The following GLRA1 variants were observed in gnomAD, a reference collection of about 807,000 sequenced individuals.
GLRA1 encodes glycine receptor alpha 1, also known as glycine receptor subunit alpha-1.
A neutral mutation model predicts 48.3 loss-of-function variants in GLRA1; 37 were observed. The observed-to-expected ratio is 0.77, with a 90% confidence interval of 0.59 to 1.01. The LOEUF (loss-of-function observed/expected upper bound fraction) is 1.01, where lower values mean the gene tolerates loss of function less well. Among genes scored for constraint, GLRA1 ranks in the 50% least tolerant of loss-of-function variants. GLRA1 has a pLI of 0.00. For missense variants in GLRA1, 427 were observed against 571.0 expected (o/e 0.75, Z 2.57); for synonymous variants, 196 against 210.7 (o/e 0.93, Z 0.60).
intron 3 of GLRA1, among the ~76,000 whole-genome samples, chr5:151,865,410 A>T (rs1369536039): frequency 6.6e-6 from 1 of 152,192 alleles, no homozygotes; most frequent in Non-Finnish European, 1.5e-5. Flanking sequence ...TTGGAAGTGC[A>T]TATGTGAAGG....
In GLRA1 at chr5:151,917,078, C is replaced by G. The variant is rs114300714; in HGVS notation, c.56+7416G>C. Among the ~76,000 whole-genome samples the G allele has an allele frequency of 5.7e-3, 865 of 152,308 alleles. 3 individuals are homozygous for G. Among genetic ancestry groups the G allele is most frequent in the Non-Finnish European group, 8.3e-3 (567 of 68,008 alleles). ...GGCTTTGAGAGCTCTGTCACCCACT[C>G]TATAAACTTGAGGTAGTTATTTATC... On this transcript the variant is annotated intron_variant, in intron 1 of 8. Coordinates refer to ENST00000274576, the MANE Select transcript of GLRA1 (RefSeq NM_000171.4).
intron 2 of GLRA1, among the ~76,000 whole-genome samples, chr5:151,891,590 C>T (rs1053499059): frequency 2.0e-5 from 3 of 152,240 alleles, no homozygotes; most frequent in East Asian, 1.9e-4. Flanking sequence ...GCCTGTACCT[C>T]TATTTCTTCA....
At chr5:151,866,803 G>T (rs1753348135) in intron 3 of GLRA1, among the ~76,000 whole-genome samples, 2 of 151,994 alleles carry the variant, frequency 1.3e-5, no homozygotes, top group Admixed American at 1.3e-4. Context: ...AAGTGAGAGG[G>T]TCATAAGAAG....
At chr5:151,873,243 T>C (rs1271779630) in intron 3 of GLRA1, among the ~76,000 whole-genome samples, 3 of 149,620 alleles carry the variant, frequency 2.0e-5, no homozygotes, top group Non-Finnish European at 4.4e-5. Context: ...GAGAAGGTTT[T>C]CCAAGGGCTT....
chr5:151,862,767 A>G (rs1753238505), intron 3 of GLRA1, among the ~76,000 whole-genome samples: 1 of 152,196 alleles, frequency 6.6e-6, no homozygotes, highest in Non-Finnish European at 1.5e-5. Flanking sequence ...GAATTCTTAT[A>G]TTTGTGCATG....
chr5:151,881,124 C>T (rs947620500), intron 3 of GLRA1, among the ~76,000 whole-genome samples: 27 of 152,178 alleles, frequency 1.8e-4, no homozygotes, highest in African/African-American at 5.8e-4. Context: ...CACAATTCCA[C>T]GATCCCTCAG....
At chr5:151,919,892 C>T (rs562674739) in intron 1 of GLRA1, among the ~76,000 whole-genome samples, 323 of 152,350 alleles carry the variant, frequency 2.1e-3, no homozygotes, top group Admixed American at 4.4e-3. Flanking sequence ...ATGCTGGCTT[C>T]TGCCAGCTGA....
intron 7 of GLRA1, among the ~76,000 whole-genome samples, chr5:151,844,464 A>T (rs1203812735): frequency 6.6e-6 from 1 of 151,472 alleles, no homozygotes; most frequent in Admixed American, 6.6e-5. Flanking sequence ...TCTACTAAAA[A>T]TATAAAAATT....
At chr5:151,826,528 A>ATATATCATC (rs1763275489) in intron 8 of GLRA1, among the ~76,000 whole-genome samples, 1 of 152,196 alleles carries the variant, frequency 6.6e-6, no homozygotes, top group Non-Finnish European at 1.5e-5. Flanking sequence ...CTTTGCCATC[A>ATATATCATC]GTGCCTCATG....
chr5:151,922,283 A>G (rs981811794), intron 1 of GLRA1, among the ~76,000 whole-genome samples: 4 of 152,240 alleles, frequency 2.6e-5, no homozygotes, highest in Non-Finnish European at 5.9e-5. Context: ...ATAAGTCCTC[A>G]CATTATAATG....
At chr5:151,905,346 A>G (rs1754450848) in intron 1 of GLRA1, among the ~76,000 whole-genome samples, 2 of 151,734 alleles carry the variant, frequency 1.3e-5, no homozygotes, top group Non-Finnish European at 2.9e-5. Flanking sequence ...TTTCCTCTTT[A>G]TTTTTGACTG....
At chr5:151,861,315 A>G (rs1753198334) in intron 3 of GLRA1, among the ~76,000 whole-genome samples, 1 of 152,162 alleles carries the variant, frequency 6.6e-6, no homozygotes, top group African/African-American at 2.4e-5. Flanking sequence ...GTCTTCCACA[A>G]TGGTTGAACT....
chr5:151,843,810 T>C (rs1461680850), intron 7 of GLRA1, among the ~76,000 whole-genome samples: 4 of 152,128 alleles, frequency 2.6e-5, no homozygotes, highest in African/African-American at 7.2e-5. Flanking sequence ...AGGGTATCAA[T>C]TCAACAGGGA....
chr5:151,884,960 T>C (rs1753858589), intron 3 of GLRA1, among the ~76,000 whole-genome samples: 1 of 152,230 alleles, frequency 6.6e-6, no homozygotes, highest in African/African-American at 2.4e-5. Flanking sequence ...GGCTATTTAT[T>C]TGACCTGGAT....
intron 1 of GLRA1, among the ~76,000 whole-genome samples, chr5:151,908,653 C>T (rs554984740): frequency 1.3e-5 from 2 of 152,034 alleles, no homozygotes; most frequent in East Asian, 3.9e-4. Context: ...TCTCCCCTTT[C>T]TTGTTTTTTT....
At chr5:151,917,918 AG>A (rs1754778529) in intron 1 of GLRA1, among the ~76,000 whole-genome samples, 1 of 152,198 alleles carries the variant, frequency 6.6e-6, no homozygotes, top group African/African-American at 2.4e-5. Context: ...CATGCTGCTC[AG>A]GGCTGCTGCC....
At position 151,856,393 on chromosome 5, in the gene GLRA1, G is replaced by T; in HGVS notation, c.477-10C>A. ...CAGTGTCAGGGTGATTCTGGGAAGAGAAGGGATTTTGAATGATGCAGGATC... is the reference window on the plus strand; with the variant it reads ...CAGTGTCAGGGTGATTCTGGGAAGATAAGGGATTTTGAATGATGCAGGATC... On this transcript the variant is annotated splice_polypyrimidine_tract_variant and intron_variant, in intron 4 of 8. Transcript: ENST00000274576. 1 of 1,589,080 alleles carries T rather than the reference G, an allele frequency of 6.3e-7. No homozygotes were observed. Among genetic ancestry groups the T allele is most frequent in the Non-Finnish European group, 8.6e-7 (1 of 1,157,566 alleles).
intron 1 of GLRA1, 42 bp from the exon 2 acceptor site, chr5:151,892,480 T>C (rs1179495753): frequency 4.3e-6 from 7 of 1,609,972 alleles, no homozygotes. Context: ...ATGATGGCTC[T>C]TTCTCATGCT....
rs1377147013 is a variant in GLRA1, at chr5:151,849,452, TTTCCTTCCTTCCTTCC to T, written c.912+1922_912+1937del. Among the ~76,000 whole-genome samples the T allele has an allele frequency of 1.1e-3, 17 of 15,662 alleles. 1 individual carries two copies. Among genetic ancestry groups the T allele is most frequent in the African/African-American group, 2.3e-3 (6 of 2,632 alleles). The allele number at this position is 15,662 out of a possible 152,430, so 10.3% of individuals were successfully genotyped here. A position where few individuals can be genotyped will look rare whatever the true frequency, so the allele number is the denominator to read the frequency against. On this transcript the variant is annotated intron_variant, in intron 7 of 8. Coordinates refer to ENST00000274576, the MANE Select transcript of GLRA1 (RefSeq NM_000171.4). ...TTTCCTTTCCTTTCCTTTCCTTTCC[TTTCCTTCCTTCCTTCC>T]TTCCTTCCTTCCTTCCTTCCTTCCT...
Sources: gnomAD v4.1 joint callset for allele counts (sites outside exome capture counted in the v4.1 genomes callset) on GRCh38, gnomAD v4.1.1 for gene constraint, MANE v1.5 for transcripts, NCBI Gene and HGNC (gene_info 2026-07-23, HGNC 2026-07-21) for gene names.